The following PGM5 variants were observed in gnomAD, a reference collection of about 807,000 sequenced individuals.
PGM5 encodes the protein phosphoglucomutase-like protein 5.
Under a neutral mutation model 59.2 loss-of-function variants are expected in PGM5, and 23 were observed. That is an observed-to-expected ratio of 0.39 (90% CI 0.28 to 0.55). PGM5 has a LOEUF of 0.55. Among genes scored for constraint, PGM5 ranks in the 20% least tolerant of loss-of-function variants. The pLI, the probability that PGM5 is intolerant of heterozygous loss-of-function variation, is 0.66. For missense variants in PGM5, 574 were observed against 748.3 expected, an observed-to-expected ratio of 0.77 and a Z score of 2.72; for synonymous variants, 214 against 286.0, an observed-to-expected ratio of 0.75 and a Z score of 2.54.
At chr9:68,487,215 G>A (rs1824309698) in intron 9 of PGM5, among the ~76,000 whole-genome samples, 1 of 152,028 alleles carries the variant, frequency 6.6e-6, no homozygotes, top group Admixed American at 6.6e-5. Flanking sequence ...TGTGATTTTA[G>A]GCATATTATT....
At chr9:68,427,354 A>G (rs1165182482) in intron 6 of PGM5, among the ~76,000 whole-genome samples, 1 of 152,196 alleles carries the variant, frequency 6.6e-6, no homozygotes, top group Non-Finnish European at 1.5e-5. Flanking sequence ...GGCCTCTGCA[A>G]TGTTATTTGA....
intron 9 of PGM5, 94 bp downstream of exon 9, chr9:68,484,142 T>TG: frequency 1.9e-6 from 2 of 1,062,314 alleles, no homozygotes; most frequent in Non-Finnish European, 2.8e-6. Context: ...TGATCTAAGG[T>TG]GACCTCATTT....
intron 8 of PGM5, among the ~76,000 whole-genome samples, chr9:68,480,256 G>A (rs1824175242): frequency 6.6e-6 from 1 of 152,194 alleles, no homozygotes; most frequent in Non-Finnish European, 1.5e-5. Flanking sequence ...CACAGAAGCT[G>A]TGACAGGTTG....
chr9:68,455,645 A>G (rs1282166476), intron 6 of PGM5, among the ~76,000 whole-genome samples: 1 of 152,228 alleles, frequency 6.6e-6, no homozygotes, highest in Non-Finnish European at 1.5e-5. Context: ...CATCAGAGGC[A>G]TAGTTATCGG....
intron 10 of PGM5, among the ~76,000 whole-genome samples, chr9:68,515,482 AC>A (rs1180918112): frequency 2.0e-5 from 3 of 152,146 alleles, no homozygotes; most frequent in African/African-American, 7.2e-5. Context: ...AATCTGATAC[AC>A]CCTTAAGGAA....
chr9:68,452,665 GA>G (rs1267459984), intron 6 of PGM5, among the ~76,000 whole-genome samples: 2 of 152,180 alleles, frequency 1.3e-5, no homozygotes, highest in East Asian at 3.8e-4. Context: ...GGGGAACAGA[GA>G]ACATGTCACT....
chr9:68,457,165 C>CT (rs1183948244), intron 6 of PGM5, among the ~76,000 whole-genome samples: 2 of 151,868 alleles, frequency 1.3e-5, no homozygotes, highest in Non-Finnish European at 2.9e-5. Flanking sequence ...TGGCTTACTT[C>CT]TTTTTTTTAG....
chr9:68,428,412 A>T (rs1823282750), intron 6 of PGM5, among the ~76,000 whole-genome samples: 2 of 152,182 alleles, frequency 1.3e-5, no homozygotes, highest in African/African-American at 4.8e-5. Context: ...CTACCTGTAG[A>T]TGGTTTCATT....
chr9:68,444,228 T>C (rs1008055202), intron 6 of PGM5, among the ~76,000 whole-genome samples: 2 of 152,100 alleles, frequency 1.3e-5, no homozygotes, highest in Non-Finnish European at 2.9e-5. Context: ...GAGACTGGGA[T>C]TTCCAGTACT....
intron 6 of PGM5, among the ~76,000 whole-genome samples, chr9:68,422,494 G>T (rs1335480479): frequency 6.6e-6 from 1 of 151,726 alleles, no homozygotes; most frequent in Non-Finnish European, 1.5e-5. Flanking sequence ...GTTTCACTAT[G>T]TTGCCCAGGA....
At chr9:68,370,720 C>T (rs1348363204) in intron 1 of PGM5, among the ~76,000 whole-genome samples, 1 of 152,210 alleles carries the variant, frequency 6.6e-6, no homozygotes, top group Non-Finnish European at 1.5e-5. Flanking sequence ...ACCTGGTATG[C>T]TCATTTATGG....
chr9:68,363,756 T>C (rs1480963151), intron 1 of PGM5, among the ~76,000 whole-genome samples: 2 of 152,308 alleles, frequency 1.3e-5, no homozygotes, highest in Admixed American at 1.3e-4. Context: ...GGTTTTCACA[T>C]ACAAGTTGGA....
intron 2 of PGM5, among the ~76,000 whole-genome samples, chr9:68,382,778 A>G (rs534640042): frequency 2.4e-4 from 36 of 151,764 alleles, no homozygotes; most frequent in African/African-American, 8.2e-4. Flanking sequence ...TTGTTGATGA[A>G]CTCTGAAGTT....
At chr9:68,376,359 A>G (rs550786103) in intron 1 of PGM5, among the ~76,000 whole-genome samples, 10 of 152,140 alleles carry the variant, frequency 6.6e-5, no homozygotes, top group East Asian at 1.9e-4. Flanking sequence ...CTCACTAGTA[A>G]CTATTATTAT....
chr9:68,454,791 C>T (rs1554684669), intron 6 of PGM5, among the ~76,000 whole-genome samples: 1 of 152,216 alleles, frequency 6.6e-6, no homozygotes, highest in Non-Finnish European at 1.5e-5. Context: ...TGTTTGCCTG[C>T]CTTTCCTGCT....
At chr9:68,447,962 C>A (rs1554684107) in intron 6 of PGM5, among the ~76,000 whole-genome samples, 14 of 151,924 alleles carry the variant, frequency 9.2e-5, no homozygotes. Flanking sequence ...GGGGCAGAAA[C>A]AAATTAAATT....
chr9:68,416,820 A>G (rs1823040634), intron 6 of PGM5, among the ~76,000 whole-genome samples: 1 of 152,236 alleles, frequency 6.6e-6, no homozygotes, highest in African/African-American at 2.4e-5. Context: ...AGGTGATTCT[A>G]GCTTTTGTGA....
chr9:68,466,037 C>T, intron 7 of PGM5: 1 of 668,826 alleles, frequency 1.5e-6, no homozygotes, highest in Non-Finnish European at 2.2e-6. Flanking sequence ...TCTCCTTCCC[C>T]ATTCTTTGTC....
At chr9:68,508,816 A>G (rs962605718) in intron 10 of PGM5, among the ~76,000 whole-genome samples, 1 of 152,244 alleles carries the variant, frequency 6.6e-6, no homozygotes, top group African/African-American at 2.4e-5. Flanking sequence ...CGTGCCTTTC[A>G]GGAGAAAGCT....
Sources: gnomAD v4.1 joint callset for allele counts (sites outside exome capture counted in the v4.1 genomes callset) on GRCh38, gnomAD v4.1.1 for gene constraint, MANE v1.5 for transcripts, NCBI Gene and HGNC (gene_info 2026-07-23, HGNC 2026-07-21) for gene names.